The following DOCK3 variants were observed in gnomAD, a reference collection of about 807,000 sequenced individuals.
DOCK3 encodes the protein dedicator of cytokinesis protein 3.
In DOCK3, 60 loss-of-function variants were observed where a neutral mutation model predicts 265.6. That is an observed-to-expected ratio of 0.23 (90% CI 0.18 to 0.28). The LOEUF (loss-of-function observed/expected upper bound fraction) is 0.28. DOCK3 is among the 10% of genes least tolerant of loss of function. The pLI, the probability that DOCK3 is intolerant of heterozygous loss-of-function variation, is 1.00. For missense variants in DOCK3, 1,981 were observed against 2,594.3 expected, an observed-to-expected ratio of 0.76 and a Z score of 5.14; for synonymous variants, 881 against 938.0, an observed-to-expected ratio of 0.94 and a Z score of 1.11.
At chr3:51,254,951 T>G (rs1306500771) in intron 22 of DOCK3, among the ~76,000 whole-genome samples, 2 of 152,272 alleles carry the variant, frequency 1.3e-5, no homozygotes, top group Non-Finnish European at 2.9e-5. Flanking sequence ...TGATGCAGTT[T>G]CTTCCTAGCA....
intron 5 of DOCK3, among the ~76,000 whole-genome samples, chr3:50,955,710 C>T (rs578225849): frequency 2.0e-5 from 3 of 152,006 alleles, no homozygotes; most frequent in South Asian, 2.1e-4. Flanking sequence ...AGGAGAGGAG[C>T]GTAGAAAGAA....
intron 35 of DOCK3, among the ~76,000 whole-genome samples, chr3:51,335,665 G>A (rs2084810604): frequency 6.6e-6 from 1 of 152,204 alleles, no homozygotes; most frequent in Non-Finnish European, 1.5e-5. Flanking sequence ...CTTTTCCTCT[G>A]CCTCAATGCA....
chr3:50,909,218 A>C (rs35842302), intron 4 of DOCK3, among the ~76,000 whole-genome samples: 14,375 of 152,090 alleles, frequency 0.095, 852 homozygotes, highest in Non-Finnish European at 0.12. Context: ...TTAACATTTA[A>C]GTTTAATACT....
intron 14 of DOCK3, among the ~76,000 whole-genome samples, chr3:51,220,685 A>ATGTGTGTG (rs1188634968): frequency 0.035 from 1,336 of 38,622 alleles, 9 homozygotes; most frequent in Non-Finnish European, 0.058. Flanking sequence ...ATATATATAT[A>ATGTGTGTG]TATGTGTGTG....
chr3:51,159,408 T>A, intron 11 of DOCK3, 104 bp downstream of exon 11: 7 of 1,037,448 alleles, frequency 6.7e-6, no homozygotes, highest in East Asian at 2.4e-5. Flanking sequence ...ACCTGTAATT[T>A]CAGGTCTCAG....
At chr3:50,905,293 G>T (rs1259325229) in intron 4 of DOCK3, among the ~76,000 whole-genome samples, 1 of 152,040 alleles carries the variant, frequency 6.6e-6, no homozygotes, top group African/African-American at 2.4e-5. Context: ...TTCCAATTCT[G>T]TGAACAAAGT....
intron 5 of DOCK3, among the ~76,000 whole-genome samples, chr3:51,024,401 G>A (rs1266951050): frequency 1.3e-5 from 2 of 152,196 alleles, no homozygotes; most frequent in Non-Finnish European, 2.9e-5. Flanking sequence ...GTCACTGGTT[G>A]TAGCTAAAGC....
At chr3:50,764,708 G>C (rs1237291059) in intron 1 of DOCK3, among the ~76,000 whole-genome samples, 1 of 152,124 alleles carries the variant, frequency 6.6e-6, no homozygotes, top group African/African-American at 2.4e-5. Context: ...GCTTGGGTGA[G>C]GGGGTGAGGC....
At chr3:51,075,496 GT>G in intron 7 of DOCK3, 56 bp downstream of exon 7, 1 of 1,401,834 alleles carries the variant, frequency 7.1e-7, no homozygotes, top group Non-Finnish European at 9.7e-7. Flanking sequence ...TTTCTCTTTT[GT>G]TTATTTTCTC....
chr3:50,759,856 A>AT (rs2040419518), intron 1 of DOCK3, among the ~76,000 whole-genome samples: 2 of 1,516 alleles, frequency 1.3e-3, no homozygotes, highest in Non-Finnish European at 0.042. Flanking sequence ...AGATATTATT[A>AT]AAAAAAAAAA....
At chr3:50,690,840 A>G (rs2035184411) in intron 1 of DOCK3, among the ~76,000 whole-genome samples, 1 of 151,444 alleles carries the variant, frequency 6.6e-6, no homozygotes, top group Non-Finnish European at 1.5e-5. Context: ...ATGGGGTTTC[A>G]CTATGTTCGC....
chr3:50,720,942 C>G (rs1241477177), intron 1 of DOCK3, among the ~76,000 whole-genome samples: 1 of 151,982 alleles, frequency 6.6e-6, no homozygotes, highest in Non-Finnish European at 1.5e-5. Context: ...TTACACTTCT[C>G]TAGTGATCAG....
chr3:51,184,442 A>G (rs901585418), intron 12 of DOCK3, among the ~76,000 whole-genome samples: 1 of 152,210 alleles, frequency 6.6e-6, no homozygotes, highest in African/African-American at 2.4e-5. Context: ...GACATGCTCA[A>G]AATTTTTTTA....
chr3:51,025,068 G>T (rs1007109921), intron 5 of DOCK3, among the ~76,000 whole-genome samples: 3 of 152,218 alleles, frequency 2.0e-5, no homozygotes, highest in African/African-American at 7.2e-5. Context: ...TGGGATTTGA[G>T]CTTGCCCTAA....
rs1334842557 is a variant in DOCK3 at position 51,270,796 on chromosome 3, G to A, written c.2356-19G>A. On this transcript the variant is annotated intron_variant, in intron 23 of 52. Transcript: ENST00000266037. ...ACACCCTAACTCTGTGCTAACCACA[G>A]CTTCATTTGCTTCTGCAGGCTGCAC... 3 of 1,607,286 alleles carry A rather than the reference G, an allele frequency of 1.9e-6. No individual in the cohort carries two copies. Among genetic ancestry groups the A allele is most frequent in the Middle Eastern group, 1.7e-4 (1 of 6,034 alleles).
At chr3:51,163,093 T>C (rs1235817939) in intron 12 of DOCK3, among the ~76,000 whole-genome samples, 1 of 152,216 alleles carries the variant, frequency 6.6e-6, no homozygotes, top group Non-Finnish European at 1.5e-5. Context: ...TCCAGTAAGT[T>C]TCAGGCAACA....
intron 4 of DOCK3, among the ~76,000 whole-genome samples, chr3:50,901,932 A>G (rs1243591565): frequency 6.6e-6 from 1 of 152,128 alleles, no homozygotes; most frequent in African/African-American, 2.4e-5. Flanking sequence ...TCTTGCCATA[A>G]AGAAAGAAAG....
intron 5 of DOCK3, among the ~76,000 whole-genome samples, chr3:50,979,070 G>A (rs1307911460): frequency 6.6e-6 from 1 of 152,082 alleles, no homozygotes; most frequent in African/African-American, 2.4e-5. Context: ...AGATGAACCC[G>A]GTACCTCAGA....
chr3:50,868,665 C>T (rs962744835), intron 3 of DOCK3, among the ~76,000 whole-genome samples: 34 of 152,074 alleles, frequency 2.2e-4, no homozygotes, highest in African/African-American at 6.5e-4. Context: ...TGAGCCACTG[C>T]ACCAGGCTGA....
Sources: allele counts gnomAD v4.1 joint callset (sites outside exome capture counted in the v4.1 genomes callset), GRCh38; gene constraint gnomAD v4.1.1; transcripts MANE v1.5; gene names NCBI Gene and HGNC (gene_info 2026-07-23, HGNC 2026-07-21).